Variants in AGPAT5 observed in about 807,000 individuals in gnomAD.
The protein encoded by AGPAT5 is 1-acyl-sn-glycerol-3-phosphate acyltransferase epsilon.
A neutral mutation model predicts 45.6 loss-of-function variants in AGPAT5; 46 were observed. That is an observed-to-expected ratio of 1.01 (90% CI 0.80 to 1.29). The LOEUF is 1.29. Ranked by LOEUF, AGPAT5 falls within the 50% of genes most tolerant of loss-of-function variation. The pLI is 0.00. For synonymous variants in AGPAT5, 272 were observed against 167.0 expected (o/e 1.63, Z -4.85); for missense variants, 673 against 450.7 (o/e 1.49, Z -4.47).
At chr8:6,742,734 G>C (rs1801280816) in intron 5 of AGPAT5, among the ~76,000 whole-genome samples, 1 of 152,114 alleles carries the variant, frequency 6.6e-6, no homozygotes, top group Non-Finnish European at 1.5e-5. Flanking sequence ...GCTTACAAGA[G>C]CAGATATGTC....
chr8:6,728,329 C>G (rs1800755717), intron 2 of AGPAT5, among the ~76,000 whole-genome samples: 1 of 152,228 alleles, frequency 6.6e-6, no homozygotes, highest in African/African-American at 2.4e-5. Flanking sequence ...TAGTCAGAAA[C>G]TGTCTGTAAT....
chr8:6,733,950 C>T (rs1051670724), intron 4 of AGPAT5, among the ~76,000 whole-genome samples: 2 of 152,138 alleles, frequency 1.3e-5, no homozygotes, highest in African/African-American at 4.8e-5. Flanking sequence ...GGCGCTAGGG[C>T]TGAAAAAATC....
chr8:6,760,406 T>G lies in AGPAT5; in HGVS notation c.*3018T>G, dbSNP rs1235501551. On this transcript the variant is annotated 3_prime_UTR_variant, in exon 8 of 8. Coordinates refer to ENST00000285518, the MANE Select transcript of AGPAT5 (RefSeq NM_018361.5). ...GCACGAGACCCCAACTCTTAGAAAATGAAAAGGAAATATAGAAATATAAAA... is the reference window on the plus strand; with the variant it reads ...GCACGAGACCCCAACTCTTAGAAAAGGAAAAGGAAATATAGAAATATAAAA... Among the ~76,000 whole-genome samples the G allele has an allele frequency of 6.6e-6, 1 of 151,432 alleles. No individual in the cohort carries two copies. Among genetic ancestry groups the G allele is most frequent in the African/African-American group, 2.4e-5 (1 of 41,128 alleles).
intron 5 of AGPAT5, among the ~76,000 whole-genome samples, chr8:6,743,519 A>G (rs757970721): frequency 4.6e-5 from 7 of 152,234 alleles, no homozygotes; most frequent in African/African-American, 7.2e-5. Context: ...CACAAAAAGA[A>G]CAAATTGATA....
At chr8:6,730,053 G>T (rs1800810659) in intron 2 of AGPAT5, among the ~76,000 whole-genome samples, 1 of 151,908 alleles carries the variant, frequency 6.6e-6, no homozygotes, top group Non-Finnish European at 1.5e-5. Context: ...GCAATTCATA[G>T]TTGCATTTGG....
intron 3 of AGPAT5, among the ~76,000 whole-genome samples, 188 bp from the exon 4 acceptor site, chr8:6,732,373 T>G (rs1410679544): frequency 6.6e-6 from 1 of 152,254 alleles, no homozygotes; most frequent in Non-Finnish European, 1.5e-5. Context: ...TTTTGAATTA[T>G]GTTGAGACAA....
intron 3 of AGPAT5, among the ~76,000 whole-genome samples, chr8:6,731,070 G>A (rs1166926022): frequency 6.6e-6 from 1 of 151,644 alleles, no homozygotes; most frequent in Non-Finnish European, 1.5e-5. Context: ...GGGTCTCGCT[G>A]TGTTGCCCAG....
At chr8:6,709,294 T>C (rs2912043) in intron 1 of AGPAT5, 7,996 of 211,630 alleles carry the variant, frequency 0.038, 191 homozygotes, top group Non-Finnish European at 0.047. Context: ...CAGTGACCTC[T>C]TGAAACAGAA....
In AGPAT5 at chr8:6,761,195, T is replaced by C. The variant is rs1802031750; in HGVS notation, c.*3807T>C. Among the ~76,000 whole-genome samples the C allele has an allele frequency of 6.6e-6, 1 of 152,222 alleles. No individual in the cohort carries two copies. Among genetic ancestry groups the C allele is most frequent in the South Asian group, 2.1e-4 (1 of 4,828 alleles). On this transcript the variant is annotated 3_prime_UTR_variant, in exon 8 of 8. Transcript: ENST00000285518. Reference sequence around the variant, plus strand: ...TACTTCTAATATACTGAGGGAAGTATAATATGTGGAACAAACTCTCAACAA... The same window carrying C: ...TACTTCTAATATACTGAGGGAAGTACAATATGTGGAACAAACTCTCAACAA...
rs1176336141 is a variant in AGPAT5 at position 6,749,868 on chromosome 8, G to A, written c.745+2040G>A. ...TCTAAGAACCCCTTGGTTCAGCAGA[G>A]CTCATGGGTAAGGCCAGCCTCTGTT... On this transcript the variant is annotated intron_variant, in intron 6 of 7. Transcript: ENST00000285518. Among the ~76,000 whole-genome samples, 4 of 152,332 alleles carry A rather than the reference G, an allele frequency of 2.6e-5. No homozygotes were observed. The South Asian group carries it at 8.3e-4, about 32-fold the overall frequency.
chr8:6,756,956 T>C (rs1041138345), intron 7 of AGPAT5, among the ~76,000 whole-genome samples: 6 of 152,244 alleles, frequency 3.9e-5, no homozygotes, highest in African/African-American at 1.4e-4. Flanking sequence ...CATATACAAT[T>C]CATGTATACT....
rs1210456067 is a variant in AGPAT5 at position 6,759,507 on chromosome 8, A to G, written c.*2119A>G. 6.6e-6 allele frequency: 1 copy of G among 152,184 alleles called. No individual in the cohort carries two copies. Among genetic ancestry groups the G allele is most frequent in the Non-Finnish European group, 1.5e-5 (1 of 68,038 alleles). The allele number at this position is 152,184 out of a possible 1,614,324, so 9.4% of individuals were successfully genotyped here. The stretch of plus-strand genomic sequence containing the variant: ...TATACCTACCTGTAAGTCTTTTCAC[A>G]TATCATTTAAACTTTTGTTTGTATT... On this transcript the variant is annotated 3_prime_UTR_variant, in exon 8 of 8. Coordinates refer to ENST00000285518, the MANE Select transcript of AGPAT5 (RefSeq NM_018361.5).
intron 4 of AGPAT5, among the ~76,000 whole-genome samples, chr8:6,741,273 T>G (rs1563299056): frequency 6.6e-6 from 1 of 152,142 alleles, no homozygotes; most frequent in Non-Finnish European, 1.5e-5. Flanking sequence ...TTAACGATAC[T>G]GATTTCTAAA....
intron 6 of AGPAT5, among the ~76,000 whole-genome samples, chr8:6,749,451 A>G (rs1362519007): frequency 6.6e-6 from 1 of 152,254 alleles, no homozygotes; most frequent in Non-Finnish European, 1.5e-5. Flanking sequence ...AGAATATGTA[A>G]TGCATCAGTT....
intron 4 of AGPAT5, among the ~76,000 whole-genome samples, chr8:6,733,553 C>T (rs1006170212): frequency 6.6e-6 from 1 of 152,054 alleles, no homozygotes; most frequent in South Asian, 2.1e-4. Context: ...GAACAGTGAC[C>T]CTTTATCCTG....
intron 1 of AGPAT5, among the ~76,000 whole-genome samples, chr8:6,712,589 G>A (rs972068396): frequency 1.3e-5 from 2 of 152,112 alleles, no homozygotes; most frequent in Non-Finnish European, 2.9e-5. Context: ...TGGAGTTTAA[G>A]GAAAACTTAT....
chr8:6,754,037 A>G (rs920724549), intron 6 of AGPAT5, among the ~76,000 whole-genome samples: 3 of 152,174 alleles, frequency 2.0e-5, no homozygotes, highest in African/African-American at 4.8e-5. Context: ...CGCATTTTCA[A>G]TTTGAGGCCA....
At chr8:6,709,984 G>A (rs776894956) in intron 1 of AGPAT5, among the ~76,000 whole-genome samples, 10 of 152,192 alleles carry the variant, frequency 6.6e-5, no homozygotes, top group African/African-American at 2.2e-4. Context: ...CAATAATTCA[G>A]GCTAATTTTT....
At chr8:6,727,434 TG>T (rs1800725125) in intron 2 of AGPAT5, among the ~76,000 whole-genome samples, 1 of 151,958 alleles carries the variant, frequency 6.6e-6, no homozygotes, top group Non-Finnish European at 1.5e-5. Context: ...CCAGGCTGGG[TG>T]TAATGGTGCA....
Sources: allele counts gnomAD v4.1 joint callset (sites outside exome capture counted in the v4.1 genomes callset), GRCh38; gene constraint gnomAD v4.1.1; transcripts MANE v1.5; gene names NCBI Gene and HGNC (gene_info 2026-07-23, HGNC 2026-07-21).